NFIB: variants seen among roughly 807,000 people sequenced by gnomAD.
The protein encoded by NFIB is nuclear factor I B, also known as nuclear factor 1 B-type.
NFIB carries 11 observed loss-of-function variants against 61.5 expected under a neutral mutation model. The observed-to-expected ratio is 0.18, with a 90% confidence interval of 0.11 to 0.30. NFIB has a LOEUF of 0.30. Ranked by LOEUF, NFIB falls within the 10% of genes least tolerant of loss-of-function variation. The pLI is 1.00. For synonymous variants in NFIB, 260 were observed against 216.5 expected (o/e 1.20, Z -1.76); for missense variants, 471 against 608.9 (o/e 0.77, Z 2.38).
At chr9:14,167,015 T>G (rs536517276) in intron 3 of NFIB, among the ~76,000 whole-genome samples, 3 of 148,846 alleles carry the variant, frequency 2.0e-5, no homozygotes, top group African/African-American at 7.3e-5. Context: ...TCGTGGTTCT[T>G]GATCATATCC....
At chr9:14,362,518 A>G (rs1262350911) in intron 1 of NFIB, 1 of 152,128 alleles carries the variant, frequency 6.6e-6, no homozygotes, top group Non-Finnish European at 1.5e-5. Context: ...TTTCACCACA[A>G]ACTGTGGGGA....
At chr9:14,526,836 A>G in the NFIB span, among the ~76,000 whole-genome samples, 1 of 152,220 alleles carries the variant, frequency 6.6e-6, no homozygotes, top group African/African-American at 2.4e-5. Flanking sequence ...GATAGAAGAG[A>G]TAACTCTCCT....
chr9:14,416,892 C>CTTTTTTTTTTTTT, the NFIB span, among the ~76,000 whole-genome samples: 1 of 126,938 alleles, frequency 7.9e-6, no homozygotes, highest in African/African-American at 3.3e-5. Flanking sequence ...ACTATTTTTA[C>CTTTTTTTTTTTTT]TTTTTTTTTT....
chr9:14,526,623 C>A, the NFIB span, among the ~76,000 whole-genome samples: 4 of 152,166 alleles, frequency 2.6e-5, no homozygotes, highest in African/African-American at 7.2e-5. Flanking sequence ...CAGACTTTCT[C>A]ACCCCCTCAG....
chr9:14,454,105 A>C, the NFIB span, among the ~76,000 whole-genome samples: 5 of 152,240 alleles, frequency 3.3e-5, no homozygotes, highest in African/African-American at 1.2e-4. Context: ...CATTTTGTAC[A>C]AACATATAGG....
chr9:14,382,211 G>A (rs186836902), intron 1 of NFIB, among the ~76,000 whole-genome samples: 5 of 152,272 alleles, frequency 3.3e-5, no homozygotes, highest in East Asian at 1.9e-4. Flanking sequence ...GATACCCTCT[G>A]GAAGGCAATT....
At chr9:14,215,290 T>C (rs1221937959) in intron 2 of NFIB, among the ~76,000 whole-genome samples, 1 of 150,448 alleles carries the variant, frequency 6.6e-6, no homozygotes, top group Non-Finnish European at 1.5e-5. Flanking sequence ...AACAATAAAC[T>C]TGAAAAATGT....
intron 2 of NFIB, among the ~76,000 whole-genome samples, chr9:14,260,959 A>G (rs1165533479): frequency 1.3e-5 from 2 of 148,830 alleles, no homozygotes; most frequent in Admixed American, 6.9e-5. Flanking sequence ...AGAAACCTGT[A>G]GGTATACTAA....
intron 9 of NFIB, among the ~76,000 whole-genome samples, chr9:14,113,662 G>C (rs1354252748): frequency 2.0e-5 from 3 of 152,134 alleles, no homozygotes; most frequent in Non-Finnish European, 4.4e-5. Flanking sequence ...TTTTACCTGT[G>C]AAAATGGCCT....
intron 1 of NFIB, among the ~76,000 whole-genome samples, chr9:14,385,320 T>G (rs2061537056): frequency 1.3e-5 from 2 of 152,308 alleles, no homozygotes; most frequent in South Asian, 4.1e-4. Context: ...ACAAACCTTG[T>G]GGATATCACT....
chr9:14,351,220 A>C (rs1410057800), intron 1 of NFIB, among the ~76,000 whole-genome samples: 1 of 152,210 alleles, frequency 6.6e-6, no homozygotes, highest in Non-Finnish European at 1.5e-5. Flanking sequence ...GATAAAGTTT[A>C]TGCTGGAAGA....
chr9:14,125,391 C>T (rs1160393503), intron 7 of NFIB, among the ~76,000 whole-genome samples: 5 of 152,062 alleles, frequency 3.3e-5, no homozygotes, highest in South Asian at 2.1e-4. Context: ...CACCTGACCT[C>T]GTGATCCACC....
the NFIB span, among the ~76,000 whole-genome samples, chr9:14,490,398 G>A: frequency 5.9e-5 from 9 of 152,190 alleles, no homozygotes; most frequent in South Asian, 6.2e-4. Flanking sequence ...TTCTGATCTC[G>A]AAGTAGAAAA....
At chr9:14,376,062 A>T (rs547478755) in intron 1 of NFIB, among the ~76,000 whole-genome samples, 67 of 152,262 alleles carry the variant, frequency 4.4e-4, no homozygotes, top group East Asian at 3.1e-3. Flanking sequence ...GGAACTTTTT[A>T]AAAAAAGAGA....
At chr9:14,262,120 C>A (rs1365340752) in intron 2 of NFIB, among the ~76,000 whole-genome samples, 1 of 152,140 alleles carries the variant, frequency 6.6e-6, no homozygotes, top group Non-Finnish European at 1.5e-5. Context: ...CTGCACCGGC[C>A]CTCACCATGA....
At chr9:14,210,429 T>C (rs939371393) in intron 2 of NFIB, among the ~76,000 whole-genome samples, 19 of 152,026 alleles carry the variant, frequency 1.2e-4, no homozygotes, top group Admixed American at 4.6e-4. Flanking sequence ...ACTTAAAAAG[T>C]GATTAAAACC....
chr9:14,142,621 T>C (rs910218293), intron 6 of NFIB, among the ~76,000 whole-genome samples: 1 of 152,048 alleles, frequency 6.6e-6, no homozygotes, highest in African/African-American at 2.4e-5. Flanking sequence ...CAACTAGAAA[T>C]TGAGTCTCTG....
upstream of NFIB, among the ~76,000 whole-genome samples, chr9:14,318,431 T>C (rs951503486): frequency 1.3e-5 from 2 of 151,924 alleles, no homozygotes; most frequent in African/African-American, 4.8e-5. Flanking sequence ...CAGCGACAGG[T>C]TGCAAATCCT....
chr9:14,144,568 C>T (rs561117475), intron 6 of NFIB, among the ~76,000 whole-genome samples: 1 of 152,306 alleles, frequency 6.6e-6, no homozygotes, highest in East Asian at 1.9e-4. Flanking sequence ...TATTGTACTC[C>T]TACTACGCAC....
Sources: gnomAD v4.1 joint callset for allele counts (sites outside exome capture counted in the v4.1 genomes callset) on GRCh38, gnomAD v4.1.1 for gene constraint, MANE v1.5 for transcripts, NCBI Gene and HGNC (gene_info 2026-07-23, HGNC 2026-07-21) for gene names.